The following TLCD4 variants were observed in gnomAD, a reference collection of about 807,000 sequenced individuals.
TLCD4 encodes TLC domain-containing protein 4.
TLCD4 carries 7 observed loss-of-function variants against 24.2 expected under a neutral mutation model. The ratio of observed to expected loss-of-function variants is 0.29; its 90% CI spans 0.16 to 0.54. The LOEUF (loss-of-function observed/expected upper bound fraction) is 0.54. Ranked by LOEUF, TLCD4 falls within the 20% of genes least tolerant of loss-of-function variation. The pLI, the probability that TLCD4 is intolerant of heterozygous loss-of-function variation, is 0.95. For missense variants in TLCD4, 259 were observed against 313.9 expected (o/e 0.82, Z 1.32); for synonymous variants, 103 against 106.4 (o/e 0.97, Z 0.20).
the TLCD4 span, among the ~76,000 whole-genome samples, chr1:95,099,466 T>C: frequency 4.2e-5 from 5 of 119,530 alleles, no homozygotes; most frequent in African/African-American, 1.3e-4. Context: ...TCAATTGTGC[T>C]AAAAAACTCT....
chr1:95,170,063 C>G (rs1177065667), intron 5 of TLCD4, among the ~76,000 whole-genome samples: 1 of 152,062 alleles, frequency 6.6e-6, no homozygotes, highest in East Asian at 1.9e-4. Context: ...CACATTAACT[C>G]GTAACATTTT....
Position 95,165,467 on chromosome 1 carries a change from G to GT in TLCD4, c.400-8334dup, listed in dbSNP as rs992782348. 3.0e-3 allele frequency among the ~76,000 whole-genome samples: 326 copies of GT among 107,090 alleles called. 2 individuals are homozygous for GT. The highest frequency in any genetic ancestry group is 8.3e-3 in the Middle Eastern group (2 of 240). The allele number at this position is 107,090 out of a possible 152,430, so 70.3% of individuals were successfully genotyped here. ...GCAAATAGTATGTGTGTGTGTGTGT[G>GT]TTTTTTTTTTTTTTTCAGACAAAGT... On this transcript the variant is annotated intron_variant, in intron 5 of 6. Coordinates refer to ENST00000370203, the MANE Select transcript of TLCD4 (RefSeq NM_152487.3).
intron 1 of TLCD4, among the ~76,000 whole-genome samples, chr1:95,127,224 A>G (rs1676764895): frequency 6.6e-6 from 1 of 152,184 alleles, no homozygotes; most frequent in Non-Finnish European, 1.5e-5. Flanking sequence ...AGTGGGAGAC[A>G]TATGCTAACT....
the TLCD4 span, among the ~76,000 whole-genome samples, chr1:95,111,133 TAAA>T: frequency 1.1e-4 from 16 of 146,858 alleles, no homozygotes; most frequent in East Asian, 1.2e-3. Flanking sequence ...CCACATAAAA[TAAA>T]AAAAAAAAAA....
the TLCD4 span, among the ~76,000 whole-genome samples, chr1:95,099,693 A>G: frequency 2.0e-5 from 3 of 152,194 alleles, no homozygotes; most frequent in South Asian, 2.1e-4. Flanking sequence ...AATGATGATG[A>G]TGACAACAAT....
At chr1:95,118,940 T>C (rs1557675164) in intron 1 of TLCD4, among the ~76,000 whole-genome samples, 2 of 152,092 alleles carry the variant, frequency 1.3e-5, no homozygotes, top group Non-Finnish European at 2.9e-5. Flanking sequence ...GGGTGCTTCT[T>C]TTTTTTTCTA....
intron 5 of TLCD4, among the ~76,000 whole-genome samples, chr1:95,171,057 CCT>C (rs1678199829): frequency 1.3e-5 from 2 of 152,072 alleles, no homozygotes; most frequent in South Asian, 2.1e-4. Flanking sequence ...TCATCCCCCC[CCT>C]TTTTTTTAGC....
intron 6 of TLCD4, among the ~76,000 whole-genome samples, chr1:95,189,786 T>G (rs1360389582): frequency 1.3e-5 from 2 of 152,238 alleles, no homozygotes; most frequent in Non-Finnish European, 2.9e-5. Flanking sequence ...TCTTGATGGC[T>G]TGTAGTTGTT....
chr1:95,098,192 T>C, the TLCD4 span, among the ~76,000 whole-genome samples: 1 of 152,192 alleles, frequency 6.6e-6, no homozygotes, highest in Admixed American at 6.5e-5. Flanking sequence ...AGAGGTTCTC[T>C]TTCCTAAAGT....
chr1:95,174,507 CA>C (rs141819142), intron 6 of TLCD4, among the ~76,000 whole-genome samples: 41,083 of 85,994 alleles, frequency 0.48, 6,965 homozygotes, highest in Middle Eastern at 0.65. Flanking sequence ...CCCATCCCTA[CA>C]AAAAAAAAAA....
At chr1:95,103,794 C>T in the TLCD4 span, among the ~76,000 whole-genome samples, 1 of 152,192 alleles carries the variant, frequency 6.6e-6, no homozygotes, top group Non-Finnish European at 1.5e-5. Context: ...AGAATTTACA[C>T]AATTGTTTTC....
intron 1 of TLCD4, among the ~76,000 whole-genome samples, chr1:95,136,046 T>G (rs1044476139): frequency 6.6e-6 from 1 of 152,010 alleles, no homozygotes; most frequent in African/African-American, 2.4e-5. Context: ...CAAGTTTTTT[T>G]TTTTTATTTT....
intron 5 of TLCD4, among the ~76,000 whole-genome samples, chr1:95,159,929 T>C (rs897051799): frequency 6.6e-5 from 10 of 152,340 alleles, no homozygotes; most frequent in African/African-American, 2.4e-4. Context: ...TAGTTTGAAG[T>C]CAGGTAGCAT....
chr1:95,139,454 G>GTTTTTTT (rs1557681913), intron 1 of TLCD4, among the ~76,000 whole-genome samples: 2 of 57,478 alleles, frequency 3.5e-5, no homozygotes, highest in Admixed American at 2.8e-4. Context: ...TTAAACCTTT[G>GTTTTTTT]ATTTTTTTTT....
At chr1:95,113,032 T>C (rs1456315366), upstream of TLCD4, among the ~76,000 whole-genome samples, 1 of 151,474 alleles carries the variant, frequency 6.6e-6, no homozygotes, top group Non-Finnish European at 1.5e-5. Flanking sequence ...ACATTTCTTT[T>C]TCTTTTCTTT....
intron 6 of TLCD4, among the ~76,000 whole-genome samples, chr1:95,178,746 A>G (rs1296216860): frequency 6.6e-6 from 1 of 152,062 alleles, no homozygotes; most frequent in Admixed American, 6.5e-5. Context: ...AAGTTACTTA[A>G]TATTCCTGTA....
rs1013669310 is a variant in TLCD4 at position 95,117,580 on chromosome 1, C to G, written c.-49C>G. ...CCGCCCTCTCCCGGCTCGGCGCAGC[C>G]GCCGCCCGCGCGCGACTCGCCCCGG... On this transcript the variant is annotated 5_prime_UTR_variant, in exon 1 of 7. Coordinates refer to ENST00000370203, the MANE Select transcript of TLCD4 (RefSeq NM_152487.3). 1 of 153,578 alleles carries G rather than the reference C, an allele frequency of 6.5e-6. No individual in the cohort carries two copies. Among genetic ancestry groups the G allele is most frequent in the African/African-American group, 2.4e-5 (1 of 41,430 alleles). The allele number at this position is 153,578 out of a possible 1,614,324, so 9.5% of individuals were successfully genotyped here.
intron 5 of TLCD4, among the ~76,000 whole-genome samples, chr1:95,167,915 T>C (rs142107903): frequency 6.6e-6 from 1 of 152,318 alleles, no homozygotes; most frequent in African/African-American, 2.4e-5. Context: ...CCATACTTAG[T>C]GTTGGCCCCC....
chr1:95,130,426 A>G (rs1001381696), intron 1 of TLCD4, among the ~76,000 whole-genome samples: 1 of 152,214 alleles, frequency 6.6e-6, no homozygotes, highest in Non-Finnish European at 1.5e-5. Context: ...TGCTGAGATC[A>G]CAGGCATGAG....
Sources: gnomAD v4.1 joint callset for allele counts (sites outside exome capture counted in the v4.1 genomes callset) on GRCh38, gnomAD v4.1.1 for gene constraint, MANE v1.5 for transcripts, NCBI Gene and HGNC (gene_info 2026-07-23, HGNC 2026-07-21) for gene names.